CIB3: variants seen among roughly 807,000 people sequenced by gnomAD.
The protein encoded by CIB3 is calcium and integrin-binding family member 3.
A neutral mutation model predicts 23.4 loss-of-function variants in CIB3; 22 were observed. That is an observed-to-expected ratio of 0.94 (90% confidence interval 0.67 to 1.34). The LOEUF is 1.34. Ranked by LOEUF, CIB3 falls within the 40% of genes most tolerant of loss-of-function variation. The probability of loss-of-function intolerance (pLI) is 0.00; values close to 1 mark genes in which losing one functional copy is unlikely to be tolerated. For missense variants in CIB3, 258 were observed against 247.3 expected (o/e 1.04, Z -0.29); for synonymous variants, 93 against 95.8 (o/e 0.97, Z 0.17).
chr19:16,173,084 A>G, intron 2 of CIB3, 78 bp downstream of exon 2: 1 of 1,508,076 alleles, frequency 6.6e-7, no homozygotes, highest in Non-Finnish European at 9.2e-7. Flanking sequence ...ACACACACAC[A>G]CCAAATTGCA....
At chr19:16,161,540 T>C in intron 5 of CIB3, 54 bp from the exon 6 acceptor site, 2 of 1,598,394 alleles carry the variant, frequency 1.3e-6, no homozygotes, top group Non-Finnish European at 1.7e-6. Flanking sequence ...CAACCCCTTT[T>C]CCTCCTCCCC....
chr19:16,173,082 A>ACACC, intron 2 of CIB3, 80 bp downstream of exon 2: 4 of 1,545,164 alleles, frequency 2.6e-6, no homozygotes, highest in Non-Finnish European at 3.6e-6. Flanking sequence ...ACACACACAC[A>ACACC]CACCAAATTG....
At position 16,161,494 on chromosome 19, in the gene CIB3, C is replaced by T. The variant is rs1166543267; in HGVS notation, c.543-8G>A. 6.2e-7 allele frequency: 1 copy of T among 1,613,828 alleles called. No homozygotes were observed. The highest frequency in any genetic ancestry group is 2.2e-5 in the East Asian group (1 of 44,854). Reference sequence around the variant, plus strand: ...ATTCGGATGTGGAAGGTGCTGTGTGCAGAGAGAAAAGGAGTCAAGGCCTTC... The same window carrying T: ...ATTCGGATGTGGAAGGTGCTGTGTGTAGAGAGAAAAGGAGTCAAGGCCTTC... On this transcript the variant is annotated splice_region_variant and splice_polypyrimidine_tract_variant and intron_variant, in intron 5 of 5. Transcript: ENST00000269878.
intron 5 of CIB3, among the ~76,000 whole-genome samples, chr19:16,163,447 C>T (rs1599433763): frequency 1.3e-5 from 2 of 151,932 alleles, no homozygotes; most frequent in East Asian, 1.9e-4. Flanking sequence ...CCCAGCTACT[C>T]GGGAGGCTGA....
At chr19:16,162,889 T>TTTTTTTTTTTTTTTTTTTTTTTTTTC (rs2091290563) in intron 5 of CIB3, among the ~76,000 whole-genome samples, 1 of 13,982 alleles carries the variant, frequency 7.2e-5, no homozygotes, top group African/African-American at 1.4e-4. Context: ...TTCTTTTCTT[T>TTTTTTTTTTTTTTTTTTTTTTTTTTC]TTTTTTTTTT....
intron 5 of CIB3, 94 bp from the exon 6 acceptor site, chr19:16,161,580 C>T: frequency 1.4e-6 from 2 of 1,403,268 alleles, no homozygotes; most frequent in Non-Finnish European, 2.0e-6. Flanking sequence ...GTCCCTGGGA[C>T]AGGCAGGAAG....
chr19:16,172,087 C>A (rs543643482), intron 2 of CIB3, among the ~76,000 whole-genome samples: 1 of 152,362 alleles, frequency 6.6e-6, no homozygotes, highest in African/African-American at 2.4e-5. Context: ...AGCCCACAAC[C>A]CAGACTGGGC....
intron 2 of CIB3, 25 bp downstream of exon 2, chr19:16,173,137 T>C: frequency 6.2e-7 from 1 of 1,613,188 alleles, no homozygotes; most frequent in Non-Finnish European, 8.5e-7. Flanking sequence ...TTCCAGATCT[T>C]CTCTCCCTTC....
chr19:16,163,065 AT>A (rs907527164), intron 5 of CIB3, among the ~76,000 whole-genome samples: 4 of 151,320 alleles, frequency 2.6e-5, no homozygotes, highest in Admixed American at 6.6e-5. Context: ...TAATTTTTGT[AT>A]TTTTAGTAGA....
intron 4 of CIB3, among the ~76,000 whole-genome samples, chr19:16,166,066 T>C (rs2091304581): frequency 6.6e-6 from 1 of 152,108 alleles, no homozygotes; most frequent in Admixed American, 6.6e-5. Flanking sequence ...TGGAGATGGG[T>C]AGATCACCTA....
rs1244286978 is a variant in CIB3, at chr19:16,161,616, C to T, written c.543-130G>A. 4 of 899,430 alleles carry T rather than the reference C, an allele frequency of 4.4e-6. No homozygotes were observed. The African/African-American group carries it at 6.6e-5, about 15-fold the overall frequency. 55.7% of individuals were successfully genotyped at this position (899,430 alleles called of 1,614,324 possible). ...GATGCCACATGGACCCCTCAAACAA[C>T]CCTAGGCCGGGAGACCCCTACAGGG... On this transcript the variant is annotated intron_variant, in intron 5 of 5. Transcript: ENST00000269878.
rs577994300 is a variant in CIB3 at position 16,161,822 on chromosome 19, T to C, written c.543-336A>G. The stretch of plus-strand genomic sequence containing the variant: ...CCTCCCGAGTAGCTAGGATTACAGG[T>C]GCATGATACCACGCCCAGTTAATTT... On this transcript the variant is annotated intron_variant, in intron 5 of 5. Transcript: ENST00000269878. Among the ~76,000 whole-genome samples, 105 of 151,500 alleles carry C rather than the reference T, an allele frequency of 6.9e-4. 1 individual carries two copies. The highest frequency in any genetic ancestry group is 1.7e-3 in the Admixed American group (25 of 15,120).
chr19:16,164,819 C>G lies in CIB3; in HGVS notation c.441G>C (p.Leu147=). 1 of 1,614,054 alleles carries G rather than the reference C, an allele frequency of 6.2e-7. No homozygotes were observed. Among genetic ancestry groups the G allele is most frequent in the African/African-American group, 1.3e-5 (1 of 74,994 alleles). The change falls in exon 5 of 6, where the codon CTG becomes CTC. Residue 147 remains leucine, a synonymous_variant. Coordinates refer to ENST00000269878, the MANE Select transcript of CIB3 (RefSeq NM_054113.4). ...RGGLSAEEVS[L]VCEKVLDEAD... Reference sequence around the variant, plus strand: ...CCTCATCCAGCACCTTCTCACATACCAGGCTCACCTCCTCGGCACTCAGCC... The same window carrying G: ...CCTCATCCAGCACCTTCTCACATACGAGGCTCACCTCCTCGGCACTCAGCC...
chr19:16,168,924 A>G (rs1259211136), intron 3 of CIB3, among the ~76,000 whole-genome samples: 1 of 152,086 alleles, frequency 6.6e-6, no homozygotes, highest in African/African-American at 2.4e-5. Flanking sequence ...AATAAAATCA[A>G]CCCTACTCAC....
chr19:16,171,118 A>G (rs2091326386), intron 2 of CIB3, among the ~76,000 whole-genome samples: 1 of 152,044 alleles, frequency 6.6e-6, no homozygotes, highest in Non-Finnish European at 1.5e-5. Flanking sequence ...AGCCTGGGCA[A>G]CAGAATGAGA....
At chr19:16,172,096 G>T (rs1382431308) in intron 2 of CIB3, among the ~76,000 whole-genome samples, 1 of 152,216 alleles carries the variant, frequency 6.6e-6, no homozygotes, top group Non-Finnish European at 1.5e-5. Context: ...CCCAGACTGG[G>T]CTCTGGACTT....
At chr19:16,169,176 C>T (rs1379674891) in intron 3 of CIB3, among the ~76,000 whole-genome samples, 1 of 152,082 alleles carries the variant, frequency 6.6e-6, no homozygotes, top group Non-Finnish European at 1.5e-5. Context: ...CAGAGTCTCA[C>T]TCTGTCGCCC....
At chr19:16,168,839 TTTG>T (rs1042788830) in intron 3 of CIB3, among the ~76,000 whole-genome samples, 36 of 152,262 alleles carry the variant, frequency 2.4e-4, no homozygotes, top group African/African-American at 8.7e-4. Flanking sequence ...TCTGGATTTT[TTTG>T]TTGTTGTTCA....
At chr19:16,171,673 TG>T (rs1216061366) in intron 2 of CIB3, among the ~76,000 whole-genome samples, 1 of 152,180 alleles carries the variant, frequency 6.6e-6, no homozygotes, top group African/African-American at 2.4e-5. Flanking sequence ...ACAGACAAAA[TG>T]TCTGTCCTTG....
Sources: allele counts gnomAD v4.1 joint callset (sites outside exome capture counted in the v4.1 genomes callset), GRCh38; gene constraint gnomAD v4.1.1; transcripts MANE v1.5; gene names NCBI Gene and HGNC (gene_info 2026-07-23, HGNC 2026-07-21).